Variants in GDE1 observed in about 807,000 individuals in gnomAD.
The protein encoded by GDE1 is RGS16-interacting membrane protein.
Under a neutral mutation model 32.2 loss-of-function variants are expected in GDE1, and 24 were observed. The observed-to-expected ratio is 0.75, with a 90% CI of 0.54 to 1.05. GDE1 has a LOEUF of 1.05. Among genes scored for constraint, GDE1 ranks in the 50% least tolerant of loss-of-function variants. The probability of loss-of-function intolerance (pLI) is 0.00; values close to 1 mark genes in which losing one functional copy is unlikely to be tolerated. For synonymous variants in GDE1, 159 were observed against 158.6 expected (o/e 1.00, Z -0.02); for missense variants, 380 against 415.0 (o/e 0.92, Z 0.73).
intron 2 of GDE1, among the ~76,000 whole-genome samples, chr16:19,511,984 T>C (rs752018901): frequency 6.6e-6 from 1 of 152,186 alleles, no homozygotes; most frequent in Non-Finnish European, 1.5e-5. Flanking sequence ...AACACTTAGG[T>C]TGATTCTGTA....
In GDE1 at chr16:19,510,931, C is replaced by A; in HGVS notation, c.451G>T (p.Asp151Tyr). The A allele has an allele frequency of 6.4e-7, 1 of 1,560,342 alleles. No individual in the cohort carries two copies. Among genetic ancestry groups the A allele is most frequent in the Non-Finnish European group, 8.8e-7 (1 of 1,135,172 alleles). The change falls in exon 3 of 6, where the codon GAT becomes TAT. Residue 151 changes from aspartate (D) to tyrosine (Y), a missense_variant. By Grantham distance (160) the Asp-to-Tyr change is radical. Coordinates refer to ENST00000353258, the MANE Select transcript of GDE1 (RefSeq NM_016641.4). The stretch of plus-strand genomic sequence containing the variant: ...TCCCTTAGGGTAGGGATCTTTTCAT[C>A]AGGGAAATCATTCCTGTAAGAGAAG... ...ANHRLRNDFPDEKIPTLREAV... is the reference protein window; with the variant it reads ...ANHRLRNDFPYEKIPTLREAV...
chr16:19,518,870 C>T (rs928618854), intron 1 of GDE1, among the ~76,000 whole-genome samples: 20 of 152,072 alleles, frequency 1.3e-4, no homozygotes, highest in Admixed American at 1.2e-3. Context: ...TACAGATGTA[C>T]GACTATTTTG....
At chr16:19,507,838 G>C in intron 3 of GDE1, 59 bp from the exon 4 acceptor site, 1 of 781,370 alleles carries the variant, frequency 1.3e-6, no homozygotes, top group Non-Finnish European at 2.2e-6. Context: ...GATAGCCCCA[G>C]CCAATAACTA....
intron 2 of GDE1, among the ~76,000 whole-genome samples, chr16:19,515,147 T>G (rs1339072588): frequency 1.3e-5 from 2 of 152,092 alleles, no homozygotes; most frequent in African/African-American, 4.8e-5. Context: ...TTCTATTCCC[T>G]GAGAGTGAAA....
chr16:19,506,478 C>T (rs998464422), intron 4 of GDE1, among the ~76,000 whole-genome samples: 9 of 152,052 alleles, frequency 5.9e-5, no homozygotes, highest in Non-Finnish European at 8.8e-5. Flanking sequence ...GGCAAAACCC[C>T]GTCTCTACTA....
intron 2 of GDE1, 128 bp from the exon 3 acceptor site, chr16:19,511,072 A>G (rs12923369): frequency 0.31 from 159,759 of 518,504 alleles, 29,088 homozygotes; most frequent in East Asian, 0.56. Flanking sequence ...TTTTTCGACC[A>G]TAGCAAAGTC....
rs1048860529 is a variant in GDE1 at position 19,502,562 on chromosome 16, T to TG, written c.*907dup. 1 of 151,900 alleles carries TG rather than the reference T, an allele frequency of 6.6e-6. No homozygotes were observed. Among genetic ancestry groups the TG allele is most frequent in the Admixed American group, 6.6e-5 (1 of 15,230 alleles). The allele number at this position is 151,900 out of a possible 1,614,324, so 9.4% of individuals were successfully genotyped here. A position where few individuals can be genotyped will look rare whatever the true frequency, so the allele number is the denominator to read the frequency against. On this transcript the variant is annotated 3_prime_UTR_variant, in exon 6 of 6. Transcript: ENST00000353258. ...ACCACCATGCCTAATTTTTTAGAGA[T>TG]GGGGTCTTGCTATATTGCCCAGTCT... is the stretch of plus-strand genomic sequence containing the variant.
At position 19,506,448 on chromosome 16, in the gene GDE1, G is replaced by A. The variant is rs550116712; in HGVS notation, c.636+1239C>T. 2.6e-4 allele frequency among the ~76,000 whole-genome samples: 40 copies of A among 152,164 alleles called. No individual in the cohort carries two copies. In the East Asian group the frequency reaches 6.0e-3, roughly 23 times the overall value. On this transcript the variant is annotated intron_variant, in intron 4 of 5. Transcript: ENST00000353258. ...GCAGATCACCTGAGGTCAGGAGCTC[G>A]AGACCAGCCTGGCCAACATGGCAAA...
At chr16:19,517,848 C>A (rs981162452) in intron 1 of GDE1, among the ~76,000 whole-genome samples, 2 of 151,488 alleles carry the variant, frequency 1.3e-5, no homozygotes, top group Non-Finnish European at 2.9e-5. Flanking sequence ...TTCCTCATCA[C>A]AATAAAGATG....
chr16:19,509,504 G>C (rs1279779542), intron 3 of GDE1, among the ~76,000 whole-genome samples: 1 of 152,082 alleles, frequency 6.6e-6, no homozygotes, highest in Non-Finnish European at 1.5e-5. Flanking sequence ...TTTTAAAATA[G>C]GTACAGGTGA....
chr16:19,503,927 T>G, intron 5 of GDE1: 1 of 261,898 alleles, frequency 3.8e-6, no homozygotes, highest in Non-Finnish European at 7.2e-6. Flanking sequence ...TCACACCACA[T>G]TCCCCCTTTC....
At chr16:19,503,932 CCTTT>C (rs1392206842) in intron 5 of GDE1, 1 of 259,174 alleles carries the variant, frequency 3.9e-6, no homozygotes. Flanking sequence ...CCACATTCCC[CCTTT>C]CTTTTCTGTG....
Position 19,504,984 on chromosome 16 carries a change from T to C in GDE1, c.745A>G (p.Ile249Val), listed in dbSNP as rs140966841. 3.7e-6 allele frequency: 6 copies of C among 1,612,976 alleles called. No individual in the cohort carries two copies. The highest frequency in any genetic ancestry group is 2.2e-5 in the East Asian group (1 of 44,872). Reference protein sequence around the residue: ...PRYDTFWKHFIFVMMDILLDW... With the variant: ...PRYDTFWKHFVFVMMDILLDW... ...AGCAAAATGTCCATCATAACAAATA[T>C]AAAATGTTTCCAGAAAGTATCATAG... The change falls in exon 5 of 6, where the codon ATA becomes GTA. Residue 249 changes from isoleucine to valine, a missense_variant. Coordinates refer to ENST00000353258, the MANE Select transcript of GDE1 (RefSeq NM_016641.4).
In GDE1 at chr16:19,502,668, A is replaced by C. The variant is rs1360959583; in HGVS notation, c.*802T>G. ...AGCCACTGTGCCCAGCTAAGCTGTG[A>C]CTTTTGAGGCAACCCCTTCCCTTCC... On this transcript the variant is annotated 3_prime_UTR_variant, in exon 6 of 6. Coordinates refer to ENST00000353258, the MANE Select transcript of GDE1 (RefSeq NM_016641.4). 1 of 152,116 alleles carries C rather than the reference A, an allele frequency of 6.6e-6. No homozygotes were observed. The highest frequency in any genetic ancestry group is 1.5e-5 in the Non-Finnish European group (1 of 68,026). 9.4% of individuals were successfully genotyped at this position (152,116 alleles called of 1,614,324 possible).
intron 2 of GDE1, 131 bp from the exon 3 acceptor site, chr16:19,511,075 G>A: frequency 2.0e-6 from 1 of 512,156 alleles, no homozygotes; most frequent in Non-Finnish European, 3.5e-6. Context: ...TTCGACCATA[G>A]CAAAGTCCAA....
At position 19,503,256 on chromosome 16, in the gene GDE1, T is replaced by A. The variant is rs1355979802; in HGVS notation, c.*214A>T. Reference sequence around the variant, plus strand: ...TCTTGTGCGTTTTTTCAGACCCAGATTTTCAAGAGCAACAGTGTTGAACTC... The same window carrying A: ...TCTTGTGCGTTTTTTCAGACCCAGAATTTCAAGAGCAACAGTGTTGAACTC... On this transcript the variant is annotated 3_prime_UTR_variant, in exon 6 of 6. Transcript: ENST00000353258. 14 of 536,134 alleles carry A rather than the reference T, an allele frequency of 2.6e-5. No individual in the cohort carries two copies. The highest frequency in any genetic ancestry group is 4.3e-5 in the Non-Finnish European group (13 of 301,284). 33.2% of individuals were successfully genotyped at this position (536,134 alleles called of 1,614,324 possible).
Position 19,521,686 on chromosome 16 carries a change from C to T in GDE1, c.261+18G>A. On this transcript the variant is annotated intron_variant, in intron 1 of 5. Coordinates refer to ENST00000353258, the MANE Select transcript of GDE1 (RefSeq NM_016641.4). ...GAGCTCTCGGGAGGACCGAGGGGCG[C>T]GAACGTGGGGGTCTCACCTGCCGAA... 6.2e-7 allele frequency: 1 copy of T among 1,607,402 alleles called. No individual in the cohort carries two copies.
chr16:19,513,661 T>C (rs1747602179), intron 2 of GDE1, among the ~76,000 whole-genome samples: 1 of 152,212 alleles, frequency 6.6e-6, no homozygotes, highest in African/African-American at 2.4e-5. Context: ...AAAATTGATA[T>C]GAAGGTCGAA....
At chr16:19,521,521 T>C in intron 1 of GDE1, 183 bp downstream of exon 1, 2 of 643,480 alleles carry the variant, frequency 3.1e-6, no homozygotes, top group Non-Finnish European at 5.3e-6. Flanking sequence ...CTGTCTTCTG[T>C]AAATATAAAA....
Sources: allele counts gnomAD v4.1 joint callset (sites outside exome capture counted in the v4.1 genomes callset), GRCh38; gene constraint gnomAD v4.1.1; transcripts MANE v1.5; gene names NCBI Gene and HGNC (gene_info 2026-07-23, HGNC 2026-07-21).